CCDC192: variants seen among roughly 807,000 people sequenced by gnomAD.
The protein encoded by CCDC192 is coiled-coil domain-containing protein 192.
chr5:127,792,556 A>C (rs968058094), intron 3 of CCDC192, among the ~76,000 whole-genome samples: 1 of 150,808 alleles, frequency 6.6e-6, no homozygotes. Context: ...ATGTATAAAA[A>C]TTAGCTGGAT....
rs116257844 is a variant in CCDC192, at chr5:127,771,054, A to T, written c.222+16679A>T. Among the ~76,000 whole-genome samples, 814 of 152,264 alleles carry T rather than the reference A, an allele frequency of 5.3e-3. 4 individuals are homozygous for T. Among genetic ancestry groups the T allele is most frequent in the Non-Finnish European group, 6.9e-3 (468 of 68,018 alleles). ...TCAATTATATTATCTCATTTTCTTG[A>T]CCATAAAAATTGATTCAGGACAGGT... On this transcript the variant is annotated intron_variant, in intron 3 of 6. Transcript: ENST00000514853.
chr5:127,729,345 G>A (rs61605522), intron 2 of CCDC192, among the ~76,000 whole-genome samples: 2,462 of 152,306 alleles, frequency 0.016, 62 homozygotes, highest in African/African-American at 0.056. Flanking sequence ...CAATGCAGGA[G>A]CACCTAGATT....
At chr5:127,927,937 CTTTTTTTTTTTTT>C (rs1271788889) in intron 6 of CCDC192, among the ~76,000 whole-genome samples, 1 of 117,718 alleles carries the variant, frequency 8.5e-6, no homozygotes, top group Non-Finnish European at 1.7e-5. Flanking sequence ...TCTTATAGTT[CTTTTTTTTTTTTT>C]TTTTTTTTGA....
Position 127,873,414 on chromosome 5 carries a change from A to G in CCDC192, c.412-2124A>G, listed in dbSNP as rs141850154. ...TGAAATAATTATATAGTAAACACCCATATAACTCAAAAACTAGATTCTATA... is the reference window on the plus strand; with the variant it reads ...TGAAATAATTATATAGTAAACACCCGTATAACTCAAAAACTAGATTCTATA... On this transcript the variant is annotated intron_variant, in intron 5 of 6. Coordinates refer to ENST00000514853, the MANE Select transcript of CCDC192 (RefSeq NM_001317938.2). Among the ~76,000 whole-genome samples, 1,168 of 152,306 alleles carry G rather than the reference A, an allele frequency of 7.7e-3. 11 individuals carry two copies. Among genetic ancestry groups the G allele is most frequent in the African/African-American group, 0.026 (1,083 of 41,554 alleles).
intron 2 of CCDC192, among the ~76,000 whole-genome samples, chr5:127,747,099 TA>T (rs200582327): frequency 0.025 from 3,777 of 151,764 alleles, 156 homozygotes; most frequent in African/African-American, 0.086. Context: ...GTTTCTTTTT[TA>T]TTTATTTATT....
intron 5 of CCDC192, among the ~76,000 whole-genome samples, chr5:127,848,769 A>G (rs1750673062): frequency 6.6e-6 from 1 of 152,254 alleles, no homozygotes; most frequent in African/African-American, 2.4e-5. Context: ...ATTAGCTATC[A>G]TTATTACTTC....
chr5:127,769,635 G>A (rs1755436132), intron 3 of CCDC192, among the ~76,000 whole-genome samples: 1 of 152,182 alleles, frequency 6.6e-6, no homozygotes, highest in Non-Finnish European at 1.5e-5. Context: ...CTGAGAATCT[G>A]AAAGAAATCC....
intron 5 of CCDC192, among the ~76,000 whole-genome samples, chr5:127,875,297 A>G (rs1430267998): frequency 6.6e-6 from 1 of 152,178 alleles, no homozygotes; most frequent in Non-Finnish European, 1.5e-5. Flanking sequence ...AAAACTCTTC[A>G]ACAGTGTAAA....
At chr5:127,734,033 A>G (rs1233049471) in intron 2 of CCDC192, among the ~76,000 whole-genome samples, 7 of 146,604 alleles carry the variant, frequency 4.8e-5, no homozygotes, top group Non-Finnish European at 7.5e-5. Context: ...CCACTAACTC[A>G]TCATCTAGCA....
intron 5 of CCDC192, among the ~76,000 whole-genome samples, chr5:127,857,072 T>C (rs184435323): frequency 1.1e-4 from 17 of 152,296 alleles, no homozygotes; most frequent in African/African-American, 4.1e-4. Flanking sequence ...AAGTAAAGCA[T>C]AATAAAACAA....
chr5:127,760,423 G>T (rs545805025), intron 3 of CCDC192, among the ~76,000 whole-genome samples: 4 of 152,150 alleles, frequency 2.6e-5, no homozygotes, highest in Admixed American at 2.6e-4. Flanking sequence ...TGCCCTTTTT[G>T]ATGAGAGGTC....
intron 3 of CCDC192, among the ~76,000 whole-genome samples, chr5:127,780,317 G>C (rs1475979971): frequency 6.6e-6 from 1 of 151,860 alleles, no homozygotes; most frequent in East Asian, 1.9e-4. Flanking sequence ...TTTTCCTCTG[G>C]GTAAATATCC....
chr5:127,751,309 G>A (rs753259628), intron 2 of CCDC192, among the ~76,000 whole-genome samples: 9 of 151,946 alleles, frequency 5.9e-5, no homozygotes, highest in Non-Finnish European at 1.3e-4. Context: ...GGGCAGGCCT[G>A]GTGGTGACAA....
At chr5:127,872,162 A>G (rs1751890162) in intron 5 of CCDC192, among the ~76,000 whole-genome samples, 2 of 152,254 alleles carry the variant, frequency 1.3e-5, no homozygotes, top group African/African-American at 2.4e-5. Context: ...GAGAAAAGAA[A>G]AAAAAAGATG....
intron 3 of CCDC192, among the ~76,000 whole-genome samples, chr5:127,768,581 A>G (rs867628558): frequency 6.6e-6 from 1 of 152,228 alleles, no homozygotes; most frequent in African/African-American, 2.4e-5. Context: ...TAAGCCACCC[A>G]GTTTGTGGTA....
At chr5:127,760,532 A>C (rs1303666334) in intron 3 of CCDC192, among the ~76,000 whole-genome samples, 1 of 151,824 alleles carries the variant, frequency 6.6e-6, no homozygotes, top group Admixed American at 6.6e-5. Flanking sequence ...GCTAACCCAG[A>C]TCTTCAGGCT....
chr5:127,704,062 A>G (rs79147536), intron 1 of CCDC192, among the ~76,000 whole-genome samples: 8,791 of 152,276 alleles, frequency 0.058, 571 homozygotes, highest in East Asian at 0.27. Context: ...AATATCTTCC[A>G]TTTACAATTT....
intron 2 of CCDC192, among the ~76,000 whole-genome samples, chr5:127,748,894 A>G (rs1258241951): frequency 6.6e-6 from 1 of 151,018 alleles, no homozygotes. Flanking sequence ...TTCACTCATG[A>G]TTTGGCTCTC....
intron 5 of CCDC192, among the ~76,000 whole-genome samples, chr5:127,846,819 CAAAAAAAAAA>C (rs551016691): frequency 3.1e-5 from 2 of 63,678 alleles, no homozygotes; most frequent in African/African-American, 5.9e-5. Context: ...GTCAATAAAG[CAAAAAAAAAA>C]AAAAAAAAAA....
Sources: gnomAD v4.1 joint callset for allele counts (sites outside exome capture counted in the v4.1 genomes callset) on GRCh38, gnomAD v4.1.1 for gene constraint, MANE v1.5 for transcripts, NCBI Gene and HGNC (gene_info 2026-07-23, HGNC 2026-07-21) for gene names.